BRD4: variants seen among roughly 807,000 people sequenced by gnomAD.
BRD4 encodes the protein bromodomain-containing protein 4.
Under a neutral mutation model 142.1 loss-of-function variants are expected in BRD4, and 16 were observed. The ratio of observed to expected loss-of-function variants is 0.11; its 90% CI spans 0.08 to 0.17. The LOEUF (loss-of-function observed/expected upper bound fraction) is 0.17, where lower values mean the gene tolerates loss of function less well. Among genes scored for constraint, BRD4 ranks in the 10% least tolerant of loss-of-function variants. The pLI, the probability that BRD4 is intolerant of heterozygous loss-of-function variation, is 1.00. For missense variants in BRD4, 1,424 were observed against 1,810.9 expected (o/e 0.79, Z 3.88); for synonymous variants, 833 against 707.5 (o/e 1.18, Z -2.82).
intron 1 of BRD4, among the ~76,000 whole-genome samples, chr19:15,314,908 T>TG (rs886178018): frequency 6.6e-6 from 1 of 152,066 alleles, no homozygotes; most frequent in African/African-American, 2.4e-5. Flanking sequence ...AAATGGAGTT[T>TG]GGGGGGATGT....
intron 1 of BRD4, among the ~76,000 whole-genome samples, chr19:15,279,649 G>C (rs1365420736): frequency 1.3e-5 from 2 of 152,190 alleles, no homozygotes; most frequent in East Asian, 3.9e-4. Flanking sequence ...GGCAGGCTTA[G>C]TTCTGGGACT....
rs199548037 is a variant in BRD4 at position 15,268,897 on chromosome 19, C to T, written c.423+8G>A. 2.7e-5 allele frequency: 43 copies of T among 1,613,896 alleles called. No homozygotes were observed. Among genetic ancestry groups the T allele is most frequent in the Non-Finnish European group, 2.8e-5 (33 of 1,179,942 alleles). ...CAGGGCAGCTGGACACCCACCCCTA[C>T]ATCTCACCTTGTTGTAGATGTAACA... On this transcript the variant is annotated splice_region_variant and intron_variant, in intron 3 of 19. Transcript: ENST00000679869.
chr19:15,245,130 T>C lies in BRD4; in HGVS notation c.2159-368A>G, dbSNP rs1362162218. The C allele has an allele frequency of 4.8e-5, 15 of 311,496 alleles. No individual in the cohort carries two copies. In the East Asian group the frequency reaches 1.2e-3, roughly 25 times the overall value. 19.3% of individuals were successfully genotyped at this position (311,496 alleles called of 1,614,324 possible). On this transcript the variant is annotated intron_variant, in intron 11 of 19. Coordinates refer to ENST00000679869, the MANE Select transcript of BRD4 (RefSeq NM_001379291.1). ...TGGCCTGGACAGCAACCTGCTCAGTTTTCCAACAACCTGTGATGGTTGCAA... is the reference window on the plus strand; with the variant it reads ...TGGCCTGGACAGCAACCTGCTCAGTCTTCCAACAACCTGTGATGGTTGCAA...
At chr19:15,255,224 C>A in intron 10 of BRD4, 73 bp downstream of exon 10, 2 of 1,410,974 alleles carry the variant, frequency 1.4e-6, no homozygotes, top group Non-Finnish European at 1.9e-6. Context: ...AAAGAGTGGA[C>A]TGAGCAAGGA....
At chr19:15,318,050 A>C (rs2048031098) in intron 1 of BRD4, among the ~76,000 whole-genome samples, 1 of 152,248 alleles carries the variant, frequency 6.6e-6, no homozygotes, top group Admixed American at 6.5e-5. Context: ...AAATGAAAAC[A>C]ACCTACACAC....
rs571372123 is a variant in BRD4, at chr19:15,267,455, C to T, written c.520G>A (p.Val174Ile). 6.2e-7 allele frequency: 1 copy of T among 1,614,198 alleles called. No individual in the cohort carries two copies. The highest frequency in any genetic ancestry group is 8.5e-7 in the Non-Finnish European group (1 of 1,180,030). ...LPTEETEIMI[V>I]QAKGRGRGRK... ...CCACGTCCTCTTCCTTTTGCCTGGA[C>T]TATCATGATCTCGGTTTCTTCTGTG... is the stretch of plus-strand genomic sequence containing the variant. The change falls in exon 4 of 20, where the codon GTC becomes ATC. Residue 174 changes from valine to isoleucine, a missense_variant. Transcript: ENST00000679869.
At chr19:15,240,065 A>G (rs746556992) in intron 14 of BRD4, 43 bp from the exon 15 acceptor site, 2 of 1,567,954 alleles carry the variant, frequency 1.3e-6, no homozygotes, top group South Asian at 2.4e-5. Flanking sequence ...CTGGCTTAGA[A>G]CTGCTGGCCC....
chr19:15,250,732 T>A (rs574001396), intron 11 of BRD4, among the ~76,000 whole-genome samples: 1 of 152,282 alleles, frequency 6.6e-6, no homozygotes, highest in South Asian at 2.1e-4. Flanking sequence ...GACCTGTGCA[T>A]GACACTTGGG....
chr19:15,241,320 C>A (rs933317791), intron 14 of BRD4, among the ~76,000 whole-genome samples: 1 of 152,260 alleles, frequency 6.6e-6, no homozygotes, highest in African/African-American at 2.4e-5. Context: ...CCTGCTGAGG[C>A]TGACCTGGGC....
At chr19:15,320,137 G>A (rs907745911) in intron 1 of BRD4, among the ~76,000 whole-genome samples, 4 of 152,122 alleles carry the variant, frequency 2.6e-5, no homozygotes, top group African/African-American at 9.7e-5. Context: ...TCCTCTTAAG[G>A]AGTGATGATC....
intron 1 of BRD4, among the ~76,000 whole-genome samples, chr19:15,299,037 T>G (rs2047846981): frequency 6.6e-6 from 1 of 152,190 alleles, no homozygotes. Flanking sequence ...ACACTTGCAG[T>G]AAGTGGGCAC....
intron 1 of BRD4, among the ~76,000 whole-genome samples, chr19:15,301,935 G>C (rs572578967): frequency 6.6e-6 from 1 of 151,622 alleles, no homozygotes; most frequent in South Asian, 2.1e-4. Flanking sequence ...AGGAGGATGA[G>C]GCAGGAGTAT....
chr19:15,265,406 T>C lies in BRD4; in HGVS notation c.797A>G (p.Gln266Arg), dbSNP rs1320652670. The C allele has an allele frequency of 5.1e-6, 7 of 1,367,118 alleles. No homozygotes were observed. Among genetic ancestry groups the C allele is most frequent in the Middle Eastern group, 2.8e-4 (1 of 3,534 alleles). 84.7% of individuals were successfully genotyped at this position (1,367,118 alleles called of 1,614,324 possible). A position where few individuals can be genotyped will look rare whatever the true frequency, so the allele number is the denominator to read the frequency against. ...QPQPPPAPAP[Q>R]PVQSHPPIIA... ...GATGGGTGGGTGGCTCTGTACGGGC[T>C]GGGGAGCTGGAGCGGGTGGGGGTTG... Residue 266 changes from glutamine to arginine, a missense_variant, in exon 5 of 20, where the codon CAG becomes CGG. Coordinates refer to ENST00000679869, the MANE Select transcript of BRD4 (RefSeq NM_001379291.1).
intron 9 of BRD4, 48 bp from the exon 10 acceptor site, chr19:15,255,640 A>C (rs2047400275): frequency 3.9e-6 from 6 of 1,545,044 alleles, no homozygotes; most frequent in Non-Finnish European, 5.2e-6. Flanking sequence ...CCCCTGAGGA[A>C]GCCAGGCACT....
intron 1 of BRD4, among the ~76,000 whole-genome samples, chr19:15,311,199 C>T (rs751592562): frequency 4.1e-4 from 62 of 151,068 alleles, no homozygotes; most frequent in Non-Finnish European, 4.7e-4. Context: ...GGCTGAGGCA[C>T]GAGAATTGCT....
At chr19:15,290,074 G>C (rs1401277049) in intron 1 of BRD4, among the ~76,000 whole-genome samples, 2 of 152,086 alleles carry the variant, frequency 1.3e-5, no homozygotes, top group Non-Finnish European at 2.9e-5. Flanking sequence ...TAGGGCAGGG[G>C]GTCACACGCT....
At chr19:15,281,738 C>T (rs983136810) in intron 1 of BRD4, among the ~76,000 whole-genome samples, 3 of 152,124 alleles carry the variant, frequency 2.0e-5, no homozygotes, top group Non-Finnish European at 4.4e-5. Context: ...GTTGGGTTGG[C>T]CAGGCATGGT....
chr19:15,247,448 G>A (rs1054384473), intron 11 of BRD4: 6 of 232,926 alleles, frequency 2.6e-5, no homozygotes, highest in East Asian at 1.2e-4. Context: ...AGCCCTGAAC[G>A]TTCTCTGCCA....
intron 1 of BRD4, among the ~76,000 whole-genome samples, chr19:15,318,146 T>C (rs562703243): frequency 3.3e-5 from 5 of 152,286 alleles, no homozygotes; most frequent in African/African-American, 1.2e-4. Context: ...ACTGCTTAAG[T>C]TACAAAAATC....
Sources: allele counts gnomAD v4.1 joint callset (sites outside exome capture counted in the v4.1 genomes callset), GRCh38; gene constraint gnomAD v4.1.1; transcripts MANE v1.5; gene names NCBI Gene and HGNC (gene_info 2026-07-23, HGNC 2026-07-21).